WDSUB1: variants seen among roughly 807,000 people sequenced by gnomAD.
The protein encoded by WDSUB1 is WD repeat, SAM and U-box domain-containing protein 1.
Under a neutral mutation model 53.9 loss-of-function variants are expected in WDSUB1, and 49 were observed. The ratio of observed to expected loss-of-function variants is 0.91; its 90% CI spans 0.72 to 1.15. The LOEUF (loss-of-function observed/expected upper bound fraction) is 1.15, where lower values mean the gene tolerates loss of function less well. Among genes scored for constraint, WDSUB1 ranks in the 50% most tolerant of loss-of-function variants. WDSUB1 has a pLI of 0.00. For synonymous variants in WDSUB1, 194 were observed against 200.6 expected (o/e 0.97, Z 0.28); for missense variants, 514 against 562.0 (o/e 0.91, Z 0.86).
chr2:159,275,460 C>G, intron 4 of WDSUB1, 86 bp downstream of exon 4: 1 of 1,093,314 alleles, frequency 9.1e-7, no homozygotes, highest in Non-Finnish European at 1.3e-6. Context: ...CTTTTAGATA[C>G]TCAAGGTACC....
intron 5 of WDSUB1, among the ~76,000 whole-genome samples, chr2:159,267,539 A>G (rs2061368905): frequency 6.6e-6 from 1 of 152,098 alleles, no homozygotes; most frequent in Non-Finnish European, 1.5e-5. Flanking sequence ...TCCTGGCCTC[A>G]AGTGATCCTT....
intron 5 of WDSUB1, among the ~76,000 whole-genome samples, chr2:159,260,078 C>A (rs892021106): frequency 6.6e-6 from 1 of 152,046 alleles, no homozygotes; most frequent in Non-Finnish European, 1.5e-5. Context: ...TTGATTCGAG[C>A]GGATCATGAG....
intron 5 of WDSUB1, among the ~76,000 whole-genome samples, chr2:159,266,384 T>C (rs541750139): frequency 6.6e-6 from 1 of 152,272 alleles, no homozygotes; most frequent in South Asian, 2.1e-4. Flanking sequence ...CAGATGGGGT[T>C]TCACCATGTT....
intron 5 of WDSUB1, among the ~76,000 whole-genome samples, chr2:159,260,853 T>G (rs895809778): frequency 1.3e-5 from 2 of 152,240 alleles, no homozygotes; most frequent in East Asian, 1.9e-4. Context: ...TACCACACTC[T>G]GCAGAACATT....
intron 5 of WDSUB1, among the ~76,000 whole-genome samples, chr2:159,271,436 C>A (rs999715298): frequency 6.6e-6 from 1 of 152,146 alleles, no homozygotes; most frequent in Non-Finnish European, 1.5e-5. Context: ...ATGTTGGGTA[C>A]AGGAAGCCTG....
chr2:159,269,670 A>G (rs1163270243), intron 5 of WDSUB1, among the ~76,000 whole-genome samples: 1 of 152,212 alleles, frequency 6.6e-6, no homozygotes. Context: ...CACAACAATA[A>G]TATACCCTAA....
At chr2:159,267,015 C>T (rs2061359960) in intron 5 of WDSUB1, among the ~76,000 whole-genome samples, 2 of 151,938 alleles carry the variant, frequency 1.3e-5, no homozygotes, top group East Asian at 1.9e-4. Context: ...GCAAGTGATC[C>T]TCCTGCCTCA....
Position 159,257,633 on chromosome 2 carries a change from C to A in WDSUB1, c.952+125G>T, listed in dbSNP as rs543181768. 5 of 733,500 alleles carry A rather than the reference C, an allele frequency of 6.8e-6. No individual in the cohort carries two copies. The East Asian group carries it at 1.4e-4, about 20-fold the overall frequency. The allele number at this position is 733,500 out of a possible 1,614,324, so 45.4% of individuals were successfully genotyped here. ...GAACTTCTGACCTCAAGTGATACAC[C>A]CACCTTGGCCTCCCAAAGTGCTGGG... On this transcript the variant is annotated intron_variant, in intron 8 of 10. Coordinates refer to ENST00000359774, the MANE Select transcript of WDSUB1 (RefSeq NM_001128212.3).
At chr2:159,266,770 T>C (rs1392102997) in intron 5 of WDSUB1, among the ~76,000 whole-genome samples, 1 of 151,894 alleles carries the variant, frequency 6.6e-6, no homozygotes, top group African/African-American at 2.4e-5. Context: ...TTCTCAGGGG[T>C]TTTTTTGTTG....
intron 5 of WDSUB1, among the ~76,000 whole-genome samples, chr2:159,271,257 T>C (rs781623596): frequency 2.0e-5 from 3 of 152,182 alleles, no homozygotes; most frequent in African/African-American, 4.8e-5. Context: ...AATATATTCA[T>C]AGAATTATTA....
intron 10 of WDSUB1, among the ~76,000 whole-genome samples, chr2:159,236,785 C>A (rs1041728287): frequency 6.6e-6 from 1 of 152,154 alleles, no homozygotes; most frequent in Non-Finnish European, 1.5e-5. Flanking sequence ...GGTACCACAT[C>A]TGGCTAATGT....
At chr2:159,286,085 G>A (rs1450359522) in intron 1 of WDSUB1, among the ~76,000 whole-genome samples, 2 of 152,174 alleles carry the variant, frequency 1.3e-5, no homozygotes, top group African/African-American at 4.8e-5. Flanking sequence ...ACCTGCCTTG[G>A]GGTAGGGGGG....
rs1321400153 is a variant in WDSUB1 at position 159,283,009 on chromosome 2, A to G, written c.61T>C (p.Ser21Pro). Residue 21 changes from serine to proline, a missense_variant, in exon 2 of 11, where the codon TCC (serine) becomes CCC (proline). Physicochemically the swap from Ser to Pro is moderately conservative, Grantham distance 74 (BLOSUM62 -1). Transcript: ENST00000359774. ...GAGCAAGTAGCCAAGAGGGAAAAGGAGAAGGCACAGCAGTTGACATCGTCA... is the reference window on the plus strand; with the variant it reads ...GAGCAAGTAGCCAAGAGGGAAAAGGGGAAGGCACAGCAGTTGACATCGTCA... ...HGDDVNCCAF[S>P]FSLLATCSLD... 1.2e-6 allele frequency: 2 copies of G among 1,614,228 alleles called. No individual in the cohort carries two copies. The highest frequency in any genetic ancestry group is 2.2e-5 in the East Asian group (1 of 44,892).
intron 9 of WDSUB1, among the ~76,000 whole-genome samples, chr2:159,251,535 C>T (rs1321438117): frequency 2.0e-5 from 3 of 152,182 alleles, no homozygotes; most frequent in East Asian, 1.9e-4. Flanking sequence ...AGAGCTCTAC[C>T]GGAACCAAAC....
chr2:159,279,186 CA>C (rs2061602270), intron 3 of WDSUB1, among the ~76,000 whole-genome samples: 2 of 152,252 alleles, frequency 1.3e-5, no homozygotes, highest in Non-Finnish European at 2.9e-5. Context: ...AACTCCCATC[CA>C]CTAACACGGA....
At chr2:159,273,178 T>C (rs901651918) in intron 4 of WDSUB1, among the ~76,000 whole-genome samples, 4 of 152,146 alleles carry the variant, frequency 2.6e-5, no homozygotes, top group African/African-American at 9.7e-5. Context: ...TGCTAAGTGC[T>C]AGAAATACAA....
chr2:159,261,931 A>T (rs1328205742), intron 5 of WDSUB1, among the ~76,000 whole-genome samples: 6 of 101,076 alleles, frequency 5.9e-5, no homozygotes, highest in East Asian at 3.7e-4. Flanking sequence ...TTTTTTTTTA[A>T]ATAAATGAAC....
rs150218255 is a variant in WDSUB1, at chr2:159,279,947, T to C, written c.399-2A>G. The C allele has an allele frequency of 5.6e-4, 901 of 1,599,804 alleles. 1 individual carries two copies. The highest frequency in any genetic ancestry group is 7.2e-4 in the Non-Finnish European group (843 of 1,170,784). On this transcript the variant is annotated splice_acceptor_variant, in intron 2 of 10. Coordinates refer to ENST00000359774, the MANE Select transcript of WDSUB1 (RefSeq NM_001128212.3). LOFTEE classifies it high-confidence loss of function. ...GAGCCATCTTTAACACTACCACATCTGAAATAAAAGCAAAAAGTGGGTTTT... is the reference window on the plus strand; with the variant it reads ...GAGCCATCTTTAACACTACCACATCCGAAATAAAAGCAAAAAGTGGGTTTT...
At chr2:159,249,662 G>A (rs958005377) in intron 9 of WDSUB1, among the ~76,000 whole-genome samples, 12 of 152,126 alleles carry the variant, frequency 7.9e-5, no homozygotes. Context: ...ATAATGTCTT[G>A]CCTCTTGGGG....
Sources: gnomAD v4.1 joint callset for allele counts (sites outside exome capture counted in the v4.1 genomes callset) on GRCh38, gnomAD v4.1.1 for gene constraint, MANE v1.5 for transcripts, NCBI Gene and HGNC (gene_info 2026-07-23, HGNC 2026-07-21) for gene names.